RPL6: variants seen among roughly 807,000 people sequenced by gnomAD.
The protein encoded by RPL6 is large ribosomal subunit protein eL6.
Under a neutral mutation model 32.1 loss-of-function variants are expected in RPL6, and 1 was observed. That is an observed-to-expected ratio of 0.03 (90% CI 0.01 to 0.15). The LOEUF is 0.15. Ranked by LOEUF, RPL6 falls within the 10% of genes least tolerant of loss-of-function variation. The probability of loss-of-function intolerance (pLI) is 1.00; values close to 1 mark genes in which losing one functional copy is unlikely to be tolerated. For missense variants in RPL6, 275 were observed against 354.6 expected (o/e 0.78, Z 1.80); for synonymous variants, 126 against 131.6 (o/e 0.96, Z 0.29).
Position 112,408,846 on chromosome 12 carries a change from C to T in RPL6, c.1-190G>A, listed in dbSNP as rs1275314102. 4 of 568,640 alleles carry T rather than the reference C, an allele frequency of 7.0e-6. No homozygotes were observed. In the East Asian group the frequency reaches 1.2e-4, roughly 17 times the overall value. 35.2% of individuals were successfully genotyped at this position (568,640 alleles called of 1,614,324 possible). ...TCACTATGACTCATTTGGGGTTTGTCTCCCCAATACACTATAAACTTTTTT... is the reference window on the plus strand; with the variant it reads ...TCACTATGACTCATTTGGGGTTTGTTTCCCCAATACACTATAAACTTTTTT... On this transcript the variant is annotated intron_variant, in intron 1 of 6. Transcript: ENST00000202773.
At chr12:112,408,115 G>A in intron 3 of RPL6, 125 bp downstream of exon 3, 2 of 686,648 alleles carry the variant, frequency 2.9e-6, no homozygotes, top group South Asian at 1.9e-5. Context: ...TACAAACCCA[G>A]AGCCCTTTAT....
chr12:112,408,314 C>A lies in RPL6; in HGVS notation c.262G>T (p.Val88Phe). 1 of 1,614,184 alleles carries A rather than the reference C, an allele frequency of 6.2e-7. No homozygotes were observed. Among genetic ancestry groups the A allele is most frequent in the Non-Finnish European group, 8.5e-7 (1 of 1,180,042 alleles). ...SKVEKKKKEK[V>F]LATVTKPVGG... ...ACTGGTTTTGTAACAGTTGCGAGAACCTTCTCCTTCTTTTTCTTTTCAACC... is the reference window on the plus strand; with the variant it reads ...ACTGGTTTTGTAACAGTTGCGAGAAACTTCTCCTTCTTTTTCTTTTCAACC... Residue 88 changes from valine to phenylalanine, a missense_variant, in exon 3 of 7, where the codon GTT becomes TTT. Coordinates refer to ENST00000202773, the MANE Select transcript of RPL6 (RefSeq NM_000970.6).
rs761897821 is a variant in RPL6 at position 112,408,298 on chromosome 12, G to A, written c.278C>T (p.Thr93Ile). 8 of 1,614,208 alleles carry A rather than the reference G, an allele frequency of 5.0e-6. No homozygotes were observed. Among genetic ancestry groups the A allele is most frequent in the Non-Finnish European group, 5.9e-6 (7 of 1,180,048 alleles). The change falls in exon 3 of 7, where the codon ACA becomes ATA. Residue 93 changes from threonine (T) to isoleucine (I), a missense_variant. Coordinates refer to ENST00000202773, the MANE Select transcript of RPL6 (RefSeq NM_000970.6). ...GTTCTTGTCACCACCAACTGGTTTT[G>A]TAACAGTTGCGAGAACCTTCTCCTT... is the stretch of plus-strand genomic sequence containing the variant. ...KKKEKVLATV[T>I]KPVGGDKNGG...
At chr12:112,414,515 C>T (rs1353567097), upstream of RPL6, among the ~76,000 whole-genome samples, 1 of 152,158 alleles carries the variant, frequency 6.6e-6, no homozygotes, top group African/African-American at 2.4e-5. Flanking sequence ...CAAACCTATC[C>T]TATGGTAGGA....
chr12:112,408,013 C>T (rs1380218853), intron 3 of RPL6: 4 of 533,468 alleles, frequency 7.5e-6, no homozygotes, highest in African/African-American at 3.8e-5. Context: ...AGCCACCACA[C>T]TCAGCCTCAT....
At chr12:112,414,018 G>A (rs1333869093), upstream of RPL6, among the ~76,000 whole-genome samples, 1 of 152,208 alleles carries the variant, frequency 6.6e-6, no homozygotes, top group Non-Finnish European at 1.5e-5. Context: ...GCATAGGAAA[G>A]GAGTCTCTCT....
intron 1 of RPL6, among the ~76,000 whole-genome samples, chr12:112,416,162 CAG>C (rs1566148325): frequency 2.0e-5 from 2 of 101,626 alleles, no homozygotes; most frequent in Non-Finnish European, 3.8e-5. Context: ...TTTTTTGAGA[CAG>C]AGTCTCGCTC....
rs1208339734 is a variant in RPL6 at position 112,408,322 on chromosome 12, T to G, written c.254A>C (p.Lys85Thr). 1 of 1,613,368 alleles carries G rather than the reference T, an allele frequency of 6.2e-7. No homozygotes were observed. The highest frequency in any genetic ancestry group is 1.1e-5 in the South Asian group (1 of 91,076). Residue 85 changes from lysine to threonine, a missense_variant, in exon 3 of 7, where the codon AAG becomes ACG. Physicochemically the swap from Lys to Thr is moderately conservative, Grantham distance 78. Coordinates refer to ENST00000202773, the MANE Select transcript of RPL6 (RefSeq NM_000970.6). ...AAKSKVEKKK[K>T]EKVLATVTKP... Reference sequence around the variant, plus strand: ...TGTAACAGTTGCGAGAACCTTCTCCTTCTTTTTCTTTTCAACCTACAAGGA... The same window carrying G: ...TGTAACAGTTGCGAGAACCTTCTCCGTCTTTTTCTTTTCAACCTACAAGGA...
rs1344157746 is a variant in RPL6, at chr12:112,408,253, T to G, written c.323A>C (p.Lys108Thr). The G allele has an allele frequency of 6.2e-7, 1 of 1,613,872 alleles. No individual in the cohort carries two copies. The highest frequency in any genetic ancestry group is 8.5e-7 in the Non-Finnish European group (1 of 1,179,890). ...CCCACATCTTACCATTTTGCGAAGT[T>G]TAACCACCCGGGTACCGCCGTTCTT... ...GDKNGGTRVVKLRKMPRYYPT... is the reference protein window; with the variant it reads ...GDKNGGTRVVTLRKMPRYYPT... Residue 108 changes from lysine (K) to threonine (T), a missense_variant, in exon 3 of 7, where the codon AAA becomes ACA. Lys to Thr is a moderately conservative substitution (Grantham distance 78). Transcript: ENST00000202773.
chr12:112,407,014 T>C, intron 3 of RPL6, 124 bp from the exon 4 acceptor site: 1 of 956,652 alleles, frequency 1.0e-6, no homozygotes, highest in Non-Finnish European at 1.5e-6. Flanking sequence ...ATTTATATGA[T>C]TCCATTTTCA....
At chr12:112,408,039 A>T (rs12579123) in intron 3 of RPL6, 52,235 of 581,294 alleles carry the variant, frequency 0.09, 2,758 homozygotes, top group East Asian at 0.19. Flanking sequence ...TATTATATGC[A>T]AAGGAACAAA....
chr12:112,408,270 G>A lies in RPL6; in HGVS notation c.306C>T (p.Gly102=), dbSNP rs775126537. The A allele has an allele frequency of 9.3e-6, 15 of 1,613,978 alleles. No homozygotes were observed. Among genetic ancestry groups the A allele is most frequent in the East Asian group, 4.5e-5 (2 of 44,902 alleles). Residue 102 remains glycine, a synonymous_variant, in exon 3 of 7, where the codon GGC becomes GGT. Transcript: ENST00000202773. ...VTKPVGGDKN[G]GTRVVKLRKM... ...TGCGAAGTTTAACCACCCGGGTACCGCCGTTCTTGTCACCACCAACTGGTT... is the reference window on the plus strand; with the variant it reads ...TGCGAAGTTTAACCACCCGGGTACCACCGTTCTTGTCACCACCAACTGGTT...
chr12:112,418,832 C>A (rs2037464100), exon 1 of RPL6: 1 of 495,964 alleles, frequency 2.0e-6, no homozygotes, highest in Non-Finnish European at 3.6e-6. Context: ...CTCGGTCCTC[C>A]GCTGACGGGA....
chr12:112,416,241 G>A (rs575554268), intron 1 of RPL6, among the ~76,000 whole-genome samples: 41 of 147,102 alleles, frequency 2.8e-4, no homozygotes, highest in African/African-American at 9.8e-4. Context: ...CTGGGTTCAC[G>A]CCATTCTCCT....
At chr12:112,414,072 T>C (rs2037373599), upstream of RPL6, among the ~76,000 whole-genome samples, 1 of 152,212 alleles carries the variant, frequency 6.6e-6, no homozygotes. Flanking sequence ...AGGAGCTGCT[T>C]AAGTTGGAGT....
chr12:112,405,562 G>C (rs922394265), intron 6 of RPL6, 186 bp from the exon 7 acceptor site: 1 of 673,186 alleles, frequency 1.5e-6, no homozygotes, highest in Non-Finnish European at 2.5e-6. Flanking sequence ...AATAAAAGTA[G>C]CTCTTAAGCT....
upstream of RPL6, among the ~76,000 whole-genome samples, chr12:112,410,008 G>GAAAAAAAAAAAAAAAAA (rs367708899): frequency 1.3e-5 from 1 of 74,490 alleles, no homozygotes. Flanking sequence ...TCTCAAAAAA[G>GAAAAAAAAAAAAAAAAA]AAAAAAAAAA....
chr12:112,416,405 C>T (rs1182147306), intron 1 of RPL6, among the ~76,000 whole-genome samples: 1 of 152,128 alleles, frequency 6.6e-6, no homozygotes, highest in Admixed American at 6.5e-5. Flanking sequence ...TCCCAAAGTG[C>T]TGGGATTACA....
chr12:112,409,259 T>C, intron 1 of RPL6: 1 of 387,058 alleles, frequency 2.6e-6, no homozygotes, highest in Non-Finnish European at 4.6e-6. Context: ...TGTCATCCTC[T>C]GGAACCCAGG....
Sources: allele counts gnomAD v4.1 joint callset (sites outside exome capture counted in the v4.1 genomes callset), GRCh38; gene constraint gnomAD v4.1.1; transcripts MANE v1.5; gene names NCBI Gene and HGNC (gene_info 2026-07-23, HGNC 2026-07-21).